The following RAI1 variants were observed in gnomAD, a reference collection of about 807,000 sequenced individuals.
The protein encoded by RAI1 is retinoic acid-induced protein 1.
Under a neutral mutation model 123.8 loss-of-function variants are expected in RAI1, and 9 were observed. That is an observed-to-expected ratio of 0.07 (90% CI 0.04 to 0.13). The LOEUF is 0.13. Ranked by LOEUF, RAI1 falls within the 10% of genes least tolerant of loss-of-function variation. RAI1 has a pLI of 1.00. For synonymous variants in RAI1, 1,231 were observed against 1,127.3 expected (o/e 1.09, Z -1.84); for missense variants, 2,256 against 2,545.8 (o/e 0.89, Z 2.45).
chr17:17,792,300 G>GGT (rs917133162), intron 2 of RAI1, among the ~76,000 whole-genome samples: 5 of 152,030 alleles, frequency 3.3e-5, no homozygotes, highest in Admixed American at 3.3e-4. Context: ...TGATAGAGGA[G>GGT]GTGTGTGTGT....
intron 2 of RAI1, among the ~76,000 whole-genome samples, chr17:17,787,106 C>G (rs2031852441): frequency 6.6e-6 from 1 of 152,202 alleles, no homozygotes; most frequent in South Asian, 2.1e-4. Context: ...CCTTATCATG[C>G]AGCCTCCTAC....
At position 17,793,099 on chromosome 17, in the gene RAI1, T is replaced by G; in HGVS notation, c.151T>G (p.Tyr51Asp). Residue 51 changes from tyrosine to aspartate, a missense_variant, in exon 3 of 6, where the codon TAT (tyrosine) becomes GAT (aspartate). By Grantham distance (160) the Tyr-to-Asp change is radical. Around this residue, in one of 7 missense-constraint regions of RAI1, gnomAD observed 336 missense variants for 349.8 expected, o/e 0.96. Coordinates refer to ENST00000353383, the MANE Select transcript of RAI1 (RefSeq NM_030665.4). ...GCAGCGGCTGCTCGCCAAGGACTAT[T>G]ATAACCCGCAGCCTTACCCGAGCTA... Reference protein sequence around the residue: ...DRQRLLAKDYYNPQPYPSYEG... With the variant: ...DRQRLLAKDYDNPQPYPSYEG... 6.2e-7 allele frequency: 1 copy of G among 1,614,074 alleles called. No homozygotes were observed.
intron 2 of RAI1, among the ~76,000 whole-genome samples, chr17:17,784,616 GA>G (rs1424944538): frequency 1.2e-4 from 18 of 152,190 alleles, no homozygotes; most frequent in Admixed American, 1.2e-3. Context: ...TAGGCCAGGA[GA>G]GGGGGGGTGT....
chr17:17,803,779 C>A lies in RAI1; in HGVS notation c.5589C>A (p.Ala1863=). ...AGATGTGTTCCAGCTGCCAAGAAGC[C>A]GGGGCCACCATTGGGTGCTGCCACA... ...VDMMCSSCQE[A]GATIGCCHKG... Residue 1863 remains alanine (A), a synonymous_variant, in exon 4 of 6, where the codon GCC becomes GCA. Transcript: ENST00000353383. The A allele has an allele frequency of 6.2e-7, 1 of 1,613,366 alleles. No homozygotes were observed. Among genetic ancestry groups the A allele is most frequent in the South Asian group, 1.1e-5 (1 of 91,078 alleles).
intron 4 of RAI1, among the ~76,000 whole-genome samples, chr17:17,805,299 C>T (rs541527003): frequency 7.2e-5 from 11 of 152,242 alleles, no homozygotes; most frequent in African/African-American, 2.6e-4. Context: ...ATGAACACTA[C>T]CCACACGGTG....
At chr17:17,746,926 C>A (rs974210920) in intron 2 of RAI1, among the ~76,000 whole-genome samples, 1 of 152,206 alleles carries the variant, frequency 6.6e-6, no homozygotes, top group East Asian at 1.9e-4. Flanking sequence ...TGAGCCACCA[C>A]GCCCAGCCCC....
At chr17:17,769,064 A>G (rs2142994598) in intron 2 of RAI1, among the ~76,000 whole-genome samples, 1 of 152,340 alleles carries the variant, frequency 6.6e-6, no homozygotes, top group East Asian at 1.9e-4. Flanking sequence ...GTGGGGAAGG[A>G]GCCCCCAGGA....
chr17:17,761,932 T>C (rs2030715018), intron 2 of RAI1, among the ~76,000 whole-genome samples: 1 of 151,784 alleles, frequency 6.6e-6, no homozygotes, highest in Non-Finnish European at 1.5e-5. Context: ...GAGGGAGGCA[T>C]GGGAGGGAGG....
intron 2 of RAI1, among the ~76,000 whole-genome samples, chr17:17,732,438 G>T (rs1361486176): frequency 6.6e-6 from 1 of 152,196 alleles, no homozygotes; most frequent in African/African-American, 2.4e-5. Context: ...ACACTGTGGT[G>T]ACTGGATCTG....
At chr17:17,686,821 C>T (rs1193231530) in intron 1 of RAI1, among the ~76,000 whole-genome samples, 10 of 151,786 alleles carry the variant, frequency 6.6e-5, no homozygotes, top group Non-Finnish European at 1.3e-4. Context: ...CCAGGCGCAT[C>T]GTCTCACACC....
chr17:17,713,493 T>C (rs1435526571), intron 1 of RAI1, among the ~76,000 whole-genome samples: 1 of 151,818 alleles, frequency 6.6e-6, no homozygotes, highest in East Asian at 1.9e-4. Flanking sequence ...TACAAAAATT[T>C]AGCTGGGCGT....
chr17:17,700,614 G>T (rs899223771), intron 1 of RAI1, among the ~76,000 whole-genome samples: 14 of 152,128 alleles, frequency 9.2e-5, no homozygotes, highest in Admixed American at 9.2e-4. Context: ...CCTGGAAAAC[G>T]ACGCCCGGCG....
At chr17:17,785,663 C>T (rs2031801448) in intron 2 of RAI1, among the ~76,000 whole-genome samples, 1 of 152,218 alleles carries the variant, frequency 6.6e-6, no homozygotes, top group African/African-American at 2.4e-5. Context: ...CAGTCCCCCT[C>T]CTCTCTGCAC....
intron 2 of RAI1, among the ~76,000 whole-genome samples, chr17:17,786,192 C>A (rs1356716608): frequency 6.6e-6 from 1 of 152,168 alleles, no homozygotes; most frequent in Non-Finnish European, 1.5e-5. Flanking sequence ...CCCTGCCAGG[C>A]CTCGGGAAGA....
rs1291413936 is a variant in RAI1, at chr17:17,799,613, C to A, written c.5565+1100C>A. On this transcript the variant is annotated intron_variant, in intron 3 of 5. Transcript: ENST00000353383. This position sits in a 1 kb window ranked among gnomAD's most constrained non-coding sequence, Gnocchi z 4.5. Reference sequence around the variant, plus strand: ...CTCTGGCCCCTGCCCTGAGTCCCATCCCCTCCACTCCTTCCTTCAACCCAC... The same window carrying A: ...CTCTGGCCCCTGCCCTGAGTCCCATACCCTCCACTCCTTCCTTCAACCCAC... 1.3e-5 allele frequency among the ~76,000 whole-genome samples: 2 copies of A among 152,186 alleles called. No homozygotes were observed. Among genetic ancestry groups the A allele is most frequent in the African/African-American group, 4.8e-5 (2 of 41,450 alleles).
intron 2 of RAI1, chr17:17,778,296 C>T (rs1357282635): frequency 5.0e-6 from 1 of 201,624 alleles, no homozygotes; most frequent in Non-Finnish European, 1.0e-5. Flanking sequence ...ATACGTGGCT[C>T]CCTGGGAGGC....
intron 2 of RAI1, among the ~76,000 whole-genome samples, chr17:17,729,559 C>T (rs114636053): frequency 0.021 from 3,251 of 152,330 alleles, 119 homozygotes; most frequent in African/African-American, 0.074. Flanking sequence ...TTCTGCTTCT[C>T]TGAGCCTCAG....
In RAI1 at chr17:17,773,093, ATGGG is replaced by A. The variant is rs1276592915; in HGVS notation, c.-16-19830_-16-19827del. On this transcript the variant is annotated intron_variant, in intron 2 of 5. Coordinates refer to ENST00000353383, the MANE Select transcript of RAI1 (RefSeq NM_030665.4). Reference sequence around the variant, plus strand: ...GGTGGGTGGATGGATGGATGGATGGATGGGTGGGTGGGTAGGTGAATAATAGATG... The same window carrying A: ...GGTGGGTGGATGGATGGATGGATGGATGGGTGGGTAGGTGAATAATAGATG... 5.0e-5 allele frequency among the ~76,000 whole-genome samples: 6 copies of A among 120,994 alleles called. No homozygotes were observed. The South Asian group carries it at 1.4e-3, about 28-fold the overall frequency. 79.4% of individuals were successfully genotyped at this position (120,994 alleles called of 152,430 possible). A position where few individuals can be genotyped will look rare whatever the true frequency, so the allele number is the denominator to read the frequency against.
In RAI1 at chr17:17,794,736, G is replaced by T; in HGVS notation, c.1788G>T (p.Arg596=). ...TGGCGGGTGAGCGGGACTGTCCGCGGCTGCTGCTCAGCGCCCTGGCACAGG... is the reference window on the plus strand; with the variant it reads ...TGGCGGGTGAGCGGGACTGTCCGCGTCTGCTGCTCAGCGCCCTGGCACAGG... ...KFVAGERDCP[R]LLLSALAQED... The change falls in exon 3 of 6, where the codon CGG becomes CGT. Residue 596 remains arginine (R), a synonymous_variant. Coordinates refer to ENST00000353383, the MANE Select transcript of RAI1 (RefSeq NM_030665.4). 2 of 1,612,030 alleles carry T rather than the reference G, an allele frequency of 1.2e-6. No homozygotes were observed.
Sources: gnomAD v4.1 joint callset for allele counts (sites outside exome capture counted in the v4.1 genomes callset) on GRCh38, gnomAD v4.1.1 for gene constraint, gnomAD v4.1.1 regional missense constraint, Gnocchi (gnomAD v3.1) non-coding constraint, MANE v1.5 for transcripts, NCBI Gene and HGNC (gene_info 2026-07-23, HGNC 2026-07-21) for gene names.